Variants in UNC13C observed in about 807,000 individuals in gnomAD.
UNC13C encodes the protein unc-13 homolog C, also known as protein unc-13 homolog C.
UNC13C carries 174 observed loss-of-function variants against 245.4 expected under a neutral mutation model. The ratio of observed to expected loss-of-function variants is 0.71; its 90% CI spans 0.63 to 0.80. The LOEUF (loss-of-function observed/expected upper bound fraction) is 0.80, where lower values mean the gene tolerates loss of function less well. UNC13C is among the 30% of genes least tolerant of loss of function. UNC13C has a pLI of 0.00. For missense variants in UNC13C, 2,829 were observed against 2,602.9 expected (o/e 1.09, Z -1.89); for synonymous variants, 992 against 895.1 (o/e 1.11, Z -1.93).
rs1244995680 is a variant in UNC13C at position 54,446,359 on chromosome 15, CA to C, written c.4933+31293del. On this transcript the variant is annotated intron_variant, in intron 19 of 32. Coordinates refer to ENST00000260323, the MANE Select transcript of UNC13C (RefSeq NM_001080534.3). ...GTCATTGGTACCTTGTTGGGGATGG[CA>C]TTGAATCTATAAATTACCTTAGGCA... 4.6e-5 allele frequency among the ~76,000 whole-genome samples: 7 copies of C among 152,266 alleles called. No individual in the cohort carries two copies. In the East Asian group the frequency reaches 1.3e-3, roughly 29 times the overall value.
intron 2 of UNC13C, among the ~76,000 whole-genome samples, chr15:54,131,089 G>A (rs375195332): frequency 6.6e-6 from 1 of 152,242 alleles, no homozygotes; most frequent in Non-Finnish European, 1.5e-5. Flanking sequence ...GTTTTGAGTT[G>A]CTTCTTCATT....
chr15:54,075,401 C>T (rs562091281), intron 2 of UNC13C, among the ~76,000 whole-genome samples: 6 of 151,468 alleles, frequency 4.0e-5, no homozygotes, highest in South Asian at 2.1e-4. Context: ...AGGAGAATGG[C>T]GTGAACCTGA....
chr15:54,157,199 A>G (rs986251781), intron 4 of UNC13C, among the ~76,000 whole-genome samples: 14 of 152,344 alleles, frequency 9.2e-5, no homozygotes, highest in African/African-American at 2.6e-4. Flanking sequence ...GAACATTCCC[A>G]CATTGCTTCT....
chr15:54,267,751 C>T (rs1279945355), intron 10 of UNC13C, among the ~76,000 whole-genome samples: 4 of 151,874 alleles, frequency 2.6e-5, no homozygotes, highest in African/African-American at 7.2e-5. Flanking sequence ...TAATATTCTT[C>T]CTTTTTCTAG....
At chr15:54,379,498 A>T (rs1306353561) in intron 17 of UNC13C, among the ~76,000 whole-genome samples, 1 of 152,074 alleles carries the variant, frequency 6.6e-6, no homozygotes, top group African/African-American at 2.4e-5. Context: ...AGCCTTTATT[A>T]TACCTTTTTT....
At chr15:54,441,229 A>C (rs1482973364) in intron 19 of UNC13C, among the ~76,000 whole-genome samples, 1 of 151,970 alleles carries the variant, frequency 6.6e-6, no homozygotes, top group Non-Finnish European at 1.5e-5. Context: ...ATTAGCCCTG[A>C]AATCCTAGCC....
At chr15:54,397,345 G>A (rs570078790) in intron 18 of UNC13C, among the ~76,000 whole-genome samples, 84 of 151,438 alleles carry the variant, frequency 5.5e-4, no homozygotes, top group Non-Finnish European at 1.1e-3. Flanking sequence ...ATATGTAAGA[G>A]GTTAATTCTG....
At chr15:54,320,774 G>A (rs2038133720) in intron 13 of UNC13C, 1 of 378,716 alleles carries the variant, frequency 2.6e-6, no homozygotes, top group Non-Finnish European at 5.1e-6. Flanking sequence ...GAACCACCAT[G>A]ACCACCTTGG....
At chr15:54,307,455 A>G (rs548239405) in intron 13 of UNC13C, among the ~76,000 whole-genome samples, 2 of 152,090 alleles carry the variant, frequency 1.3e-5, no homozygotes, top group South Asian at 4.1e-4. Context: ...ATAGGTTTCA[A>G]CATATGAGTT....
chr15:53,969,137 GT>G, the UNC13C span, among the ~76,000 whole-genome samples: 3 of 152,148 alleles, frequency 2.0e-5, no homozygotes, highest in African/African-American at 4.8e-5. Flanking sequence ...TCCACAGATA[GT>G]AGAAGGCACA....
Position 54,417,067 on chromosome 15 carries a change from G to A in UNC13C, c.4933+2000G>A, listed in dbSNP as rs114489726. 2.4e-3 allele frequency: 1,027 copies of A among 421,748 alleles called. 8 individuals are homozygous for A. The highest frequency in any genetic ancestry group is 0.019 in the African/African-American group (927 of 48,418). The allele number at this position is 421,748 out of a possible 1,614,324, so 26.1% of individuals were successfully genotyped here. On this transcript the variant is annotated intron_variant, in intron 19 of 32. Coordinates refer to ENST00000260323, the MANE Select transcript of UNC13C (RefSeq NM_001080534.3). ...GAATAAACTTATTTTAATCTGCTGC[G>A]TAACAACTGATTTTATTTGTTTATT...
chr15:54,129,557 G>T (rs1421344299), intron 2 of UNC13C, among the ~76,000 whole-genome samples: 3 of 151,822 alleles, frequency 2.0e-5, no homozygotes, highest in Non-Finnish European at 4.4e-5. Flanking sequence ...TTTAATAATT[G>T]ATATTGTGCT....
At chr15:53,872,539 G>A in the UNC13C span, among the ~76,000 whole-genome samples, 1 of 152,028 alleles carries the variant, frequency 6.6e-6, no homozygotes, top group Non-Finnish European at 1.5e-5. Context: ...CTTTTATGCC[G>A]TTTCAACAGT....
the UNC13C span, among the ~76,000 whole-genome samples, chr15:53,839,186 A>G: frequency 1.3e-5 from 2 of 151,976 alleles, no homozygotes; most frequent in African/African-American, 2.4e-5. Context: ...GTCTCCCAGC[A>G]ACATGTTTAC....
intron 19 of UNC13C, among the ~76,000 whole-genome samples, chr15:54,489,397 C>G (rs550875908): frequency 6.6e-6 from 1 of 152,234 alleles, no homozygotes; most frequent in Non-Finnish European, 1.5e-5. Context: ...AACTGGTTTT[C>G]TGTGCAGTGG....
chr15:54,448,703 A>G (rs1444076756), intron 19 of UNC13C, among the ~76,000 whole-genome samples: 1 of 152,196 alleles, frequency 6.6e-6, no homozygotes, highest in African/African-American at 2.4e-5. Flanking sequence ...AATACAGCAC[A>G]CTGATGGGTC....
At chr15:54,429,777 T>G (rs2140972961) in intron 19 of UNC13C, among the ~76,000 whole-genome samples, 1 of 151,842 alleles carries the variant, frequency 6.6e-6, no homozygotes, top group African/African-American at 2.4e-5. Flanking sequence ...GCCATTTTGC[T>G]ATTCCTTTAA....
chr15:54,625,108 T>C (rs545144534), intron 32 of UNC13C, among the ~76,000 whole-genome samples: 1 of 152,272 alleles, frequency 6.6e-6, no homozygotes, highest in African/African-American at 2.4e-5. Flanking sequence ...CTTGAATGTA[T>C]ACTTACTTGC....
chr15:54,112,374 T>C (rs1900823451), intron 2 of UNC13C, among the ~76,000 whole-genome samples: 1 of 152,082 alleles, frequency 6.6e-6, no homozygotes, highest in South Asian at 2.1e-4. Flanking sequence ...ATAGACTGGA[T>C]TGAGGAAGTG....
Sources: allele counts gnomAD v4.1 joint callset (sites outside exome capture counted in the v4.1 genomes callset), GRCh38; gene constraint gnomAD v4.1.1; transcripts MANE v1.5; gene names NCBI Gene and HGNC (gene_info 2026-07-23, HGNC 2026-07-21).